The following MERTK variants were observed in gnomAD, a reference collection of about 807,000 sequenced individuals.
MERTK encodes MER proto-oncogene, tyrosine kinase.
In MERTK, 69 loss-of-function variants were observed where a neutral mutation model predicts 99.3. The ratio of observed to expected loss-of-function variants is 0.70; its 90% CI spans 0.57 to 0.85. MERTK has a LOEUF of 0.85. Ranked by LOEUF, MERTK falls within the 40% of genes least tolerant of loss-of-function variation. The pLI is 0.00. For synonymous variants in MERTK, 426 were observed against 467.6 expected (o/e 0.91, Z 1.15); for missense variants, 1,125 against 1,249.4 (o/e 0.90, Z 1.50).
chr2:111,982,630 G>A (rs1013340416), intron 7 of MERTK, among the ~76,000 whole-genome samples: 1 of 152,142 alleles, frequency 6.6e-6, no homozygotes, highest in African/African-American at 2.4e-5. Flanking sequence ...GAATTTCTAG[G>A]CTTCAGTAAC....
At chr2:111,936,735 A>G (rs1430225720) in intron 2 of MERTK, among the ~76,000 whole-genome samples, 1 of 152,110 alleles carries the variant, frequency 6.6e-6, no homozygotes, top group Non-Finnish European at 1.5e-5. Flanking sequence ...GTAGCCACTA[A>G]CCTGCCTCAC....
intron 2 of MERTK, among the ~76,000 whole-genome samples, chr2:111,938,380 A>G (rs1277891632): frequency 6.6e-6 from 1 of 152,140 alleles, no homozygotes; most frequent in Non-Finnish European, 1.5e-5. Context: ...TTTCTCTGTG[A>G]GTTTGACTAC....
rs1558775220 is a variant in MERTK, at chr2:111,929,198, A to G, written c.140A>G (p.His47Arg). The G allele has an allele frequency of 6.2e-7, 1 of 1,613,738 alleles. No individual in the cohort carries two copies. The highest frequency in any genetic ancestry group is 8.5e-7 in the Non-Finnish European group (1 of 1,179,632). Residue 47 changes from histidine to arginine, a missense_variant, in exon 2 of 19, where the codon CAC becomes CGC. His to Arg is a conservative substitution (Grantham distance 29). Coordinates refer to ENST00000295408, the MANE Select transcript of MERTK (RefSeq NM_006343.3). ...TTTCCAGGGAGCCTGCAAACTGACC[A>G]CACACCGCTGTTATCCCTTCCTCAC... ...GPFPGSLQTD[H>R]TPLLSLPHAS...
intron 7 of MERTK, among the ~76,000 whole-genome samples, chr2:111,982,362 TTTC>T (rs1324349552): frequency 1.3e-5 from 2 of 151,980 alleles, no homozygotes. Flanking sequence ...TGGCCAACAT[TTTC>T]TTCTTTTCTT....
intron 4 of MERTK, among the ~76,000 whole-genome samples, chr2:111,964,414 CAT>C (rs1491223813): frequency 1.5e-4 from 22 of 151,238 alleles, no homozygotes; most frequent in Admixed American, 5.9e-4. Flanking sequence ...CGCGCACGCG[CAT>C]GTGTGTGTGT....
chr2:111,941,159 G>T, intron 2 of MERTK: 3 of 333,904 alleles, frequency 9.0e-6, no homozygotes, highest in South Asian at 3.1e-5. Flanking sequence ...TTCACCTTGA[G>T]GTAGTTTGGC....
intron 15 of MERTK, among the ~76,000 whole-genome samples, chr2:112,019,162 G>A (rs899309541): frequency 2.0e-5 from 3 of 152,106 alleles, no homozygotes; most frequent in Non-Finnish European, 4.4e-5. Context: ...AAGAAACAAT[G>A]TCATTCACTG....
Position 112,009,951 on chromosome 2 carries a change from TGTGTATAGAAATGAGCTCTCA to T in MERTK, c.1965_1985del (p.Cys656_Gln662del). The T allele has an allele frequency of 6.2e-7, 1 of 1,603,894 alleles. No homozygotes were observed. The highest frequency in any genetic ancestry group is 1.1e-5 in the South Asian group (1 of 90,890). On this transcript the variant is annotated inframe_deletion, in exon 15 of 19. Coordinates refer to ENST00000295408, the MANE Select transcript of MERTK (RefSeq NM_006343.3). ...GATGCTGTGTTTGTAATTTCAGGTG[TGTGTATAGAAATGAGCTCTCA>T]AGGCATCCCAAAGCCCATGGTAATT...
intron 2 of MERTK, among the ~76,000 whole-genome samples, chr2:111,933,458 C>T (rs1684709665): frequency 6.6e-6 from 1 of 152,166 alleles, no homozygotes; most frequent in African/African-American, 2.4e-5. Context: ...ATTAAAATCA[C>T]TAGGGGCAGA....
At chr2:111,954,050 T>C (rs1685104447) in intron 4 of MERTK, among the ~76,000 whole-genome samples, 1 of 152,194 alleles carries the variant, frequency 6.6e-6, no homozygotes, top group Non-Finnish European at 1.5e-5. Context: ...TGAGTGATGC[T>C]CCACCTTGTG....
intron 1 of MERTK, among the ~76,000 whole-genome samples, chr2:111,899,893 C>T (rs1309461050): frequency 6.6e-6 from 1 of 151,936 alleles, no homozygotes; most frequent in Non-Finnish European, 1.5e-5. Context: ...GCTTGAACAG[C>T]TTATTTGGGG....
At chr2:112,006,088 G>T (rs1232953929) in intron 13 of MERTK, among the ~76,000 whole-genome samples, 1 of 152,002 alleles carries the variant, frequency 6.6e-6, no homozygotes, top group Non-Finnish European at 1.5e-5. Context: ...CACCATGTTG[G>T]CCAGGCTGGT....
intron 8 of MERTK, among the ~76,000 whole-genome samples, chr2:111,993,097 T>C (rs1676662937): frequency 6.6e-6 from 1 of 151,996 alleles, no homozygotes; most frequent in East Asian, 1.9e-4. Context: ...CATACACTTC[T>C]TGGTGACCAG....
chr2:112,019,664 A>T (rs147125319), intron 16 of MERTK, 142 bp downstream of exon 16: 72 of 734,050 alleles, frequency 9.8e-5, no homozygotes, highest in Middle Eastern at 7.1e-4. Flanking sequence ...CCGAAGATGG[A>T]AATATGGCTG....
At chr2:111,990,408 C>T (rs1029927039) in intron 8 of MERTK, among the ~76,000 whole-genome samples, 2 of 150,880 alleles carry the variant, frequency 1.3e-5, no homozygotes, top group Non-Finnish European at 2.9e-5. Flanking sequence ...CTGATAAACA[C>T]TGGCCAGCAT....
chr2:111,945,733 G>A (rs1444336732), intron 3 of MERTK, among the ~76,000 whole-genome samples: 1 of 152,218 alleles, frequency 6.6e-6, no homozygotes, highest in Non-Finnish European at 1.5e-5. Context: ...CCCAGGTCCT[G>A]GTTTGGTGCC....
At chr2:111,936,184 G>A (rs1356258290) in intron 2 of MERTK, among the ~76,000 whole-genome samples, 2 of 151,916 alleles carry the variant, frequency 1.3e-5, no homozygotes, top group African/African-American at 2.4e-5. Context: ...CCAAAGTGCT[G>A]GTATTATAGG....
chr2:112,006,165 A>T (rs1276910935), intron 13 of MERTK, among the ~76,000 whole-genome samples: 2 of 152,184 alleles, frequency 1.3e-5, no homozygotes, highest in South Asian at 2.1e-4. Context: ...TACAGCCGTG[A>T]GCTACCACGC....
chr2:111,920,222 C>A (rs891537435), intron 1 of MERTK, among the ~76,000 whole-genome samples: 2 of 152,192 alleles, frequency 1.3e-5, no homozygotes, highest in Non-Finnish European at 2.9e-5. Flanking sequence ...GGCAACTTCA[C>A]GTTCCTTCCA....
Sources: gnomAD v4.1 joint callset for allele counts (sites outside exome capture counted in the v4.1 genomes callset) on GRCh38, gnomAD v4.1.1 for gene constraint, MANE v1.5 for transcripts, NCBI Gene and HGNC (gene_info 2026-07-23, HGNC 2026-07-21) for gene names.